Variants in PHF14 observed in about 807,000 individuals in gnomAD.
The protein encoded by PHF14 is PHD finger protein 14.
In PHF14, 55 loss-of-function variants were observed where a neutral mutation model predicts 117.9. The observed-to-expected ratio is 0.47, with a 90% confidence interval of 0.38 to 0.58. The LOEUF is 0.58. PHF14 is among the 20% of genes least tolerant of loss of function. The probability of loss-of-function intolerance (pLI) is 0.00; values close to 1 mark genes in which losing one functional copy is unlikely to be tolerated. For synonymous variants in PHF14, 409 were observed against 368.6 expected (o/e 1.11, Z -1.26); for missense variants, 978 against 1,122.2 (o/e 0.87, Z 1.84).
At chr7:11,104,313 A>T (rs1052574807) in intron 16 of PHF14, 3 of 981,478 alleles carry the variant, frequency 3.1e-6, no homozygotes, top group Admixed American at 6.2e-5. Context: ...TGCAAAATTC[A>T]TAAGATATAG....
intron 17 of PHF14, among the ~76,000 whole-genome samples, chr7:11,127,628 T>C (rs934384601): frequency 6.6e-6 from 1 of 152,130 alleles, no homozygotes. Context: ...AAAATTCCTC[T>C]TCTGAGAGGG....
At chr7:11,168,500 G>C (rs1789275988) in intron 17 of PHF14, among the ~76,000 whole-genome samples, 1 of 152,040 alleles carries the variant, frequency 6.6e-6, no homozygotes, top group South Asian at 2.1e-4. Context: ...ATTTAATTTG[G>C]TTTCATCAGA....
intron 5 of PHF14, among the ~76,000 whole-genome samples, chr7:11,018,168 G>C (rs183126650): frequency 6.6e-6 from 1 of 152,072 alleles, no homozygotes; most frequent in African/African-American, 2.4e-5. Context: ...CTGTAGGTTT[G>C]TGGTATAATT....
At chr7:11,013,131 C>T (rs1783409697) in intron 4 of PHF14, among the ~76,000 whole-genome samples, 2 of 152,054 alleles carry the variant, frequency 1.3e-5, no homozygotes, top group Admixed American at 6.6e-5. Flanking sequence ...AATCTAAATT[C>T]TTTAATGACA....
Position 11,081,103 on chromosome 7 carries a change from G to A in PHF14, c.2654+19018G>A, listed in dbSNP as rs1583446615. ...TATATGTATATATATGTGAGTGTGT[G>A]TATATAAATATATGTATGAAACTAT... On this transcript the variant is annotated intron_variant, in intron 16 of 17. Coordinates refer to ENST00000634607, the MANE Select transcript of PHF14 (RefSeq NM_001007157.2). Among the ~76,000 whole-genome samples the A allele has an allele frequency of 1.3e-5, 2 of 152,208 alleles. 1 individual carries two copies. Among genetic ancestry groups the A allele is most frequent in the Admixed American group, 1.3e-4 (2 of 15,282 alleles).
chr7:11,028,211 A>C (rs1410215852), intron 6 of PHF14, among the ~76,000 whole-genome samples: 1 of 152,210 alleles, frequency 6.6e-6, no homozygotes, highest in African/African-American at 2.4e-5. Flanking sequence ...ATTTTATAAT[A>C]AAATGTTAAC....
At chr7:10,987,760 G>C (rs1583332146) in intron 3 of PHF14, among the ~76,000 whole-genome samples, 1 of 152,016 alleles carries the variant, frequency 6.6e-6, no homozygotes, top group Non-Finnish European at 1.5e-5. Context: ...CTTGAAAGAT[G>C]ATATACGTCT....
At chr7:10,980,777 C>G (rs1436554465) in intron 2 of PHF14, among the ~76,000 whole-genome samples, 2 of 152,144 alleles carry the variant, frequency 1.3e-5, no homozygotes, top group Non-Finnish European at 2.9e-5. Context: ...CCATGGACTT[C>G]ACTGGGGGTA....
chr7:11,036,405 ATT>A lies in PHF14; in HGVS notation c.1603-11_1603-10del. 6.3e-7 allele frequency: 1 copy of A among 1,578,972 alleles called. No individual in the cohort carries two copies. The highest frequency in any genetic ancestry group is 8.6e-7 in the Non-Finnish European group (1 of 1,158,820). ...TTATTATCTTTTAAAATTTGAATAC[ATT>A]TCTTTTATAGGCAAGGATCAATGCC... On this transcript the variant is annotated splice_polypyrimidine_tract_variant and intron_variant, in intron 8 of 17. Coordinates refer to ENST00000634607, the MANE Select transcript of PHF14 (RefSeq NM_001007157.2).
At chr7:11,080,366 G>A (rs1461620080) in intron 16 of PHF14, among the ~76,000 whole-genome samples, 2 of 152,070 alleles carry the variant, frequency 1.3e-5, no homozygotes, top group African/African-American at 4.8e-5. Flanking sequence ...ACACTACTTG[G>A]TGTTTTTTTC....
chr7:11,002,813 A>T (rs113964954), intron 4 of PHF14, among the ~76,000 whole-genome samples: 1 of 152,238 alleles, frequency 6.6e-6, no homozygotes, highest in East Asian at 1.9e-4. Context: ...GCAAAAATGA[A>T]ATGCTGATGA....
intron 17 of PHF14, among the ~76,000 whole-genome samples, chr7:11,131,249 C>T (rs1476405040): frequency 2.0e-5 from 3 of 151,898 alleles, no homozygotes; most frequent in African/African-American, 7.2e-5. Context: ...GCCAAACTGT[C>T]TTCCAAAATG....
intron 16 of PHF14, chr7:11,104,825 C>G: frequency 1.3e-6 from 1 of 768,916 alleles, no homozygotes; most frequent in Non-Finnish European, 1.6e-6. Flanking sequence ...CCAGCTGATG[C>G]TGATGCTACT....
intron 16 of PHF14, among the ~76,000 whole-genome samples, chr7:11,088,332 C>T (rs1202138189): frequency 2.0e-5 from 3 of 151,846 alleles, no homozygotes; most frequent in Admixed American, 2.0e-4. Context: ...TCCATTGATG[C>T]AGAACCTGCA....
intron 3 of PHF14, among the ~76,000 whole-genome samples, chr7:10,987,880 G>A (rs1289373262): frequency 6.6e-6 from 1 of 151,736 alleles, no homozygotes; most frequent in African/African-American, 2.4e-5. Flanking sequence ...GCTGGGCGTG[G>A]TGGTACATAC....
chr7:10,998,505 A>G (rs1042044538), intron 4 of PHF14, among the ~76,000 whole-genome samples: 1 of 152,214 alleles, frequency 6.6e-6, no homozygotes, highest in African/African-American at 2.4e-5. Context: ...GGTAATGAAT[A>G]TAAAGAGCTC....
chr7:11,122,754 A>G (rs1384203139), intron 17 of PHF14, among the ~76,000 whole-genome samples: 2 of 152,104 alleles, frequency 1.3e-5, no homozygotes, highest in African/African-American at 2.4e-5. Flanking sequence ...TATGGTCCAC[A>G]TTGTCCTTCC....
chr7:11,137,354 G>C (rs1788250726), intron 17 of PHF14, among the ~76,000 whole-genome samples: 1 of 151,274 alleles, frequency 6.6e-6, no homozygotes, highest in African/African-American at 2.4e-5. Flanking sequence ...GCTTTTGTGT[G>C]TGACAGCTCT....
chr7:11,074,432 G>A (rs1322917784), intron 16 of PHF14, among the ~76,000 whole-genome samples: 2 of 151,968 alleles, frequency 1.3e-5, no homozygotes, highest in Non-Finnish European at 2.9e-5. Flanking sequence ...GGATGGTCTC[G>A]ATCTCCTGAC....
Sources: gnomAD v4.1 joint callset for allele counts (sites outside exome capture counted in the v4.1 genomes callset) on GRCh38, gnomAD v4.1.1 for gene constraint, MANE v1.5 for transcripts, NCBI Gene and HGNC (gene_info 2026-07-23, HGNC 2026-07-21) for gene names.